C2: variants seen among roughly 807,000 people sequenced by gnomAD.
C2 encodes complement C2.
A neutral mutation model predicts 85.2 loss-of-function variants in C2; 64 were observed. The observed-to-expected ratio is 0.75, with a 90% CI of 0.61 to 0.92. C2 has a LOEUF of 0.92. Ranked by LOEUF, C2 falls within the 40% of genes least tolerant of loss-of-function variation. The pLI, the probability that C2 is intolerant of heterozygous loss-of-function variation, is 0.00. For synonymous variants in C2, 311 were observed against 370.8 expected, an observed-to-expected ratio of 0.84 and a Z score of 1.85; for missense variants, 820 against 971.6, an observed-to-expected ratio of 0.84 and a Z score of 2.07.
chr6:31,926,494 G>A (rs1355771717), upstream of C2, among the ~76,000 whole-genome samples: 3 of 151,578 alleles, frequency 2.0e-5, no homozygotes, highest in South Asian at 2.1e-4. Flanking sequence ...CACCACACCC[G>A]GCTAATTTTT....
At chr6:31,937,207 A>C (rs58719596) in intron 7 of C2, 112 bp from the exon 8 acceptor site, 627 of 165,166 alleles carry the variant, frequency 3.8e-3, no homozygotes, top group East Asian at 0.024. Context: ...AGACTCTCTC[A>C]AAAAAAAAAA....
intron 3 of C2, among the ~76,000 whole-genome samples, chr6:31,932,040 G>T (rs1769842075): frequency 7.6e-6 from 1 of 132,312 alleles, no homozygotes; most frequent in African/African-American, 3.0e-5. Context: ...GGGCAGAGGG[G>T]CTCCTCACTT....
intron 1 of C2, among the ~76,000 whole-genome samples, chr6:31,903,149 G>A (rs184422820): frequency 9.9e-4 from 150 of 152,248 alleles, no homozygotes; most frequent in South Asian, 2.9e-3. Context: ...ATCCAAGTCC[G>A]CGTGAAGATG....
intron 1 of C2, among the ~76,000 whole-genome samples, chr6:31,913,531 G>A (rs143442631): frequency 1.5e-4 from 23 of 152,260 alleles, no homozygotes; most frequent in Admixed American, 9.8e-4. Flanking sequence ...AGCTGAGACC[G>A]TGCCATTGCA....
chr6:31,898,221 T>C (rs1360984203), upstream of C2, among the ~76,000 whole-genome samples: 1 of 152,206 alleles, frequency 6.6e-6, no homozygotes, highest in Non-Finnish European at 1.5e-5. Flanking sequence ...TGTGGCTAAA[T>C]GTCTCTTCTG....
rs1052809479 is a variant in C2, at chr6:31,922,385, C to T, written c.-100+2359C>T. On this transcript the variant is annotated intron_variant, in intron 1 of 3. Coordinates refer to the C2 transcript ENST00000413154. The surrounding 1 kb of genome is among the most constrained non-coding windows in gnomAD (Gnocchi z 4.8). ...CTAGGATGACCGCGAAGTCCATGCCCAAGTGGCCAGACTGGATAAGGAGTA... is the reference window on the plus strand; with the variant it reads ...CTAGGATGACCGCGAAGTCCATGCCTAAGTGGCCAGACTGGATAAGGAGTA... Among the ~76,000 whole-genome samples the T allele has an allele frequency of 6.6e-6, 1 of 152,110 alleles. No homozygotes were observed. Among genetic ancestry groups the T allele is most frequent in the Non-Finnish European group, 1.5e-5 (1 of 68,008 alleles).
chr6:31,929,278 G>A (rs1301008182), intron 3 of C2, among the ~76,000 whole-genome samples: 1 of 152,168 alleles, frequency 6.6e-6, no homozygotes, highest in African/African-American at 2.4e-5. Flanking sequence ...TTAAAGCCAG[G>A]TTTGGGTTCC....
At chr6:31,932,054 A>G (rs9267693) in intron 3 of C2, among the ~76,000 whole-genome samples, 1 of 128,200 alleles carries the variant, frequency 7.8e-6, no homozygotes, top group South Asian at 2.5e-4. Context: ...CTCACTTCCC[A>G]GCAGGGGCGG....
chr6:31,937,352 C>T lies in C2; in HGVS notation c.1022C>T (p.Ala341Val), dbSNP rs904279699. The change falls in exon 8 of 18, where the codon GCG becomes GTG. Residue 341 changes from alanine to valine, a missense_variant. Physicochemically the swap from Ala to Val is moderately conservative, Grantham distance 64. Coordinates refer to ENST00000299367, the MANE Select transcript of C2 (RefSeq NM_000063.6). ...AATGGAACTGGGACTAACACCTATG[C>T]GGCCTTAAACAGTGTCTATCTCATG... The part of the protein sequence containing the change: ...HENGTGTNTY[A>V]ALNSVYLMMN... 48 of 1,612,754 alleles carry T rather than the reference C, an allele frequency of 3.0e-5. No homozygotes were observed. Among genetic ancestry groups the T allele is most frequent in the South Asian group, 8.8e-5 (8 of 91,070 alleles).
chr6:31,899,899 A>C, upstream of C2: 1 of 1,456,962 alleles, frequency 6.9e-7, no homozygotes, highest in Non-Finnish European at 9.1e-7. Context: ...CAGGGGCCCC[A>C]GCCTCCTGGC....
chr6:31,931,520 T>C (rs517668), intron 3 of C2, among the ~76,000 whole-genome samples: 9,171 of 148,660 alleles, frequency 0.062, 314 homozygotes, highest in African/African-American at 0.091. Flanking sequence ...CTTGCACCGC[T>C]CTTAATCCAT....
In C2 at chr6:31,943,158, C is replaced by T. The variant is rs1771028251; in HGVS notation, c.1360+59C>T. 12 of 1,612,430 alleles carry T rather than the reference C, an allele frequency of 7.4e-6. No individual in the cohort carries two copies. The highest frequency in any genetic ancestry group is 3.3e-5 in the South Asian group (3 of 91,082). Reference sequence around the variant, plus strand: ...GATGGTGAGGAGCCCGCCAGAGGCCCGTGTTGGGAACCTGGACACAGTGCC... The same window carrying T: ...GATGGTGAGGAGCCCGCCAGAGGCCTGTGTTGGGAACCTGGACACAGTGCC... On this transcript the variant is annotated intron_variant, in intron 10 of 17. Coordinates refer to ENST00000299367, the MANE Select transcript of C2 (RefSeq NM_000063.6). This position sits in a 1 kb window ranked among gnomAD's most constrained non-coding sequence, Gnocchi z 6.4.
In C2 at chr6:31,935,965, T is replaced by G; in HGVS notation, c.892T>G (p.Phe298Val). The G allele has an allele frequency of 6.2e-7, 1 of 1,612,962 alleles. No individual in the cohort carries two copies. Among genetic ancestry groups the G allele is most frequent in the East Asian group, 2.2e-5 (1 of 44,874 alleles). Reference sequence around the variant, plus strand: ...CAATGTGAGCGTTGCCATTATCACCTTTGCCTCAGAGCCCAAAGTCCTCAT... The same window carrying G: ...CAATGTGAGCGTTGCCATTATCACCGTTGCCTCAGAGCCCAAAGTCCTCAT... ...EINVSVAIIT[F>V]ASEPKVLMSV... The change falls in exon 7 of 18, where the codon TTT becomes GTT. Residue 298 changes from phenylalanine to valine, a missense_variant. Physicochemically the swap from Phe to Val is conservative, Grantham distance 50 (BLOSUM62 -1). Coordinates refer to ENST00000299367, the MANE Select transcript of C2 (RefSeq NM_000063.6). The surrounding 1 kb of genome is among the most constrained non-coding windows in gnomAD (Gnocchi z 4.3).
In C2 at chr6:31,933,901, C is replaced by T. The variant is rs1461442436; in HGVS notation, c.651C>T (p.Ala217=). The T allele has an allele frequency of 6.2e-7, 1 of 1,614,056 alleles. No individual in the cohort carries two copies. Among genetic ancestry groups the T allele is most frequent in the Non-Finnish European group, 8.5e-7 (1 of 1,180,030 alleles). ...PYSYDFPEDV[A]PALGTSFSHM... is the part of the protein sequence containing the mutation. The stretch of plus-strand genomic sequence containing the variant: ...CTTATGACTTCCCTGAGGACGTGGC[C>T]CCTGCCCTGGGCACTTCCTTCTCCC... Residue 217 remains alanine (A), a synonymous_variant, in exon 5 of 18, where the codon GCC becomes GCT. Coordinates refer to ENST00000299367, the MANE Select transcript of C2 (RefSeq NM_000063.6).
At chr6:31,933,809 G>C in intron 4 of C2, 26 bp downstream of exon 4, 1 of 1,613,798 alleles carries the variant, frequency 6.2e-7, no homozygotes, top group Admixed American at 1.7e-5. Context: ...GCCCTCCTGA[G>C]ATTCCTCGGC....
chr6:31,927,505 G>T (rs1769345995), upstream of C2: 3 of 1,434,640 alleles, frequency 2.1e-6, no homozygotes, highest in Non-Finnish European at 2.7e-6. The surrounding 1 kb of genome is among the most constrained non-coding windows in gnomAD (Gnocchi z 4.7). Context: ...CAAAGCCTGT[G>T]GGGGAGATCT....
chr6:31,897,979 C>T (rs1766815469), upstream of C2: 2 of 935,888 alleles, frequency 2.1e-6, no homozygotes, highest in South Asian at 5.0e-5. Context: ...CGGCTCTCGG[C>T]AGCGGCTGTA....
intron 3 of C2, among the ~76,000 whole-genome samples, chr6:31,932,722 G>A (rs1030446287): frequency 6.6e-5 from 10 of 152,188 alleles, no homozygotes; most frequent in Non-Finnish European, 1.2e-4. Flanking sequence ...GTGGCGGCCG[G>A]GCAGAGGCTG....
chr6:31,929,912 T>C (rs1396760114), intron 3 of C2, among the ~76,000 whole-genome samples: 1 of 149,610 alleles, frequency 6.7e-6, no homozygotes, highest in African/African-American at 2.5e-5. Context: ...CTCAGGAGGC[T>C]GAGGCAGGAG....
Sources: allele counts gnomAD v4.1 joint callset (sites outside exome capture counted in the v4.1 genomes callset), GRCh38; gene constraint gnomAD v4.1.1; non-coding constraint Gnocchi (gnomAD v3.1); transcripts MANE v1.5; gene names NCBI Gene and HGNC (gene_info 2026-07-23, HGNC 2026-07-21).